The following MACROD2 variants were observed in gnomAD, a reference collection of about 807,000 sequenced individuals.
The protein encoded by MACROD2 is ADP-ribose glycohydrolase MACROD2.
A neutral mutation model predicts 70.4 loss-of-function variants in MACROD2; 36 were observed. That is an observed-to-expected ratio of 0.51 (90% CI 0.39 to 0.68). The LOEUF (loss-of-function observed/expected upper bound fraction) is 0.68. MACROD2 is among the 30% of genes least tolerant of loss of function. The pLI, the probability that MACROD2 is intolerant of heterozygous loss-of-function variation, is 0.00. For missense variants in MACROD2, 496 were observed against 538.4 expected, an observed-to-expected ratio of 0.92 and a Z score of 0.78; for synonymous variants, 172 against 178.8, an observed-to-expected ratio of 0.96 and a Z score of 0.30.
At chr20:14,664,622 A>G (rs1345308483) in intron 4 of MACROD2, among the ~76,000 whole-genome samples, 1 of 152,030 alleles carries the variant, frequency 6.6e-6, no homozygotes, top group Non-Finnish European at 1.5e-5. Flanking sequence ...GCAGCTCTCA[A>G]CCTCTTTTAT....
chr20:15,505,843 G>A (rs1030438203), intron 8 of MACROD2, among the ~76,000 whole-genome samples: 7 of 152,088 alleles, frequency 4.6e-5, no homozygotes, highest in African/African-American at 9.7e-5. Flanking sequence ...CTCTCCTCGC[G>A]TACAAGGTTT....
At chr20:14,148,438 A>T (rs1365067938) in intron 3 of MACROD2, among the ~76,000 whole-genome samples, 1 of 152,122 alleles carries the variant, frequency 6.6e-6, no homozygotes, top group Non-Finnish European at 1.5e-5. Context: ...TAATTTAATG[A>T]TTTTGTAGGA....
chr20:15,962,575 C>T (rs1275836561), intron 12 of MACROD2, among the ~76,000 whole-genome samples: 1 of 152,142 alleles, frequency 6.6e-6, no homozygotes, highest in East Asian at 1.9e-4. Context: ...ATTAATTGTG[C>T]ATTATGGTAG....
intron 3 of MACROD2, among the ~76,000 whole-genome samples, chr20:14,124,551 G>A (rs1043709735): frequency 3.9e-5 from 6 of 152,146 alleles, no homozygotes; most frequent in Admixed American, 2.6e-4. Flanking sequence ...GAACTGAAAT[G>A]TCAGATGCGT....
chr20:14,197,641 C>T (rs533520605), intron 3 of MACROD2, among the ~76,000 whole-genome samples: 6 of 152,096 alleles, frequency 3.9e-5, no homozygotes, highest in Non-Finnish European at 7.4e-5. Flanking sequence ...GTGGTGGGCG[C>T]CTGTAATCCC....
chr20:14,690,158 C>T (rs543919762), intron 5 of MACROD2, among the ~76,000 whole-genome samples: 1 of 151,952 alleles, frequency 6.6e-6, no homozygotes, highest in Non-Finnish European at 1.5e-5. Flanking sequence ...TATTTTATTT[C>T]TTTAGAATGC....
At chr20:14,260,608 G>A (rs2082093745) in intron 3 of MACROD2, among the ~76,000 whole-genome samples, 1 of 152,048 alleles carries the variant, frequency 6.6e-6, no homozygotes, top group South Asian at 2.1e-4. Context: ...CAGCCCCTAA[G>A]CTCCTTTTAA....
chr20:15,605,453 C>CGCGT (rs1555847143), intron 8 of MACROD2, among the ~76,000 whole-genome samples: 9 of 141,786 alleles, frequency 6.3e-5, no homozygotes, highest in Non-Finnish European at 1.4e-4. Context: ...AGGATGTAAG[C>CGCGT]GTGTGTGTGT....
At chr20:15,234,101 G>A (rs1452024666) in intron 6 of MACROD2, among the ~76,000 whole-genome samples, 1 of 120,526 alleles carries the variant, frequency 8.3e-6, no homozygotes, top group Admixed American at 9.2e-5. Context: ...GCGCAATCTC[G>A]GCTCACTGCA....
chr20:14,606,414 A>G (rs1229716270), intron 4 of MACROD2, among the ~76,000 whole-genome samples: 1 of 152,150 alleles, frequency 6.6e-6, no homozygotes, highest in East Asian at 1.9e-4. Flanking sequence ...AATTCCAGGT[A>G]CTTTGTGAGC....
At chr20:15,055,580 G>A (rs1223812227) in intron 5 of MACROD2, among the ~76,000 whole-genome samples, 1 of 152,178 alleles carries the variant, frequency 6.6e-6, no homozygotes, top group Non-Finnish European at 1.5e-5. Flanking sequence ...TGACAGGAAG[G>A]TAAATTGGGA....
At chr20:14,702,139 G>A (rs976077260) in intron 5 of MACROD2, among the ~76,000 whole-genome samples, 12 of 151,616 alleles carry the variant, frequency 7.9e-5, no homozygotes, top group African/African-American at 2.9e-4. Flanking sequence ...AACTGATGAT[G>A]CTATTTAGAA....
At chr20:14,644,152 C>T (rs1600492754) in intron 4 of MACROD2, among the ~76,000 whole-genome samples, 1 of 152,034 alleles carries the variant, frequency 6.6e-6, no homozygotes, top group Non-Finnish European at 1.5e-5. Context: ...GTCTAAGAAA[C>T]AGCAGTGAAC....
chr20:15,004,992 G>C (rs2075024583), intron 5 of MACROD2, among the ~76,000 whole-genome samples: 1 of 152,118 alleles, frequency 6.6e-6, no homozygotes, highest in Non-Finnish European at 1.5e-5. Flanking sequence ...ATTGCTCTCT[G>C]AAAGTTATTT....
intron 3 of MACROD2, among the ~76,000 whole-genome samples, chr20:14,091,400 G>A (rs541911612): frequency 6.6e-6 from 1 of 152,162 alleles, no homozygotes; most frequent in African/African-American, 2.4e-5. Flanking sequence ...GGAGGAATAG[G>A]TTTTGAGATT....
intron 8 of MACROD2, among the ~76,000 whole-genome samples, chr20:15,577,526 T>G (rs1410244789): frequency 1.3e-5 from 2 of 152,204 alleles, no homozygotes; most frequent in Non-Finnish European, 2.9e-5. Flanking sequence ...TAACTCTTTT[T>G]GGCCATATTT....
intron 8 of MACROD2, among the ~76,000 whole-genome samples, chr20:15,762,566 G>A (rs2051453344): frequency 6.6e-6 from 1 of 152,152 alleles, no homozygotes; most frequent in Non-Finnish European, 1.5e-5. Flanking sequence ...CATGTGACTT[G>A]CTTTGACCAA....
At chr20:15,422,934 G>T (rs17616032) in intron 6 of MACROD2, among the ~76,000 whole-genome samples, 29,495 of 152,014 alleles carry the variant, frequency 0.19, 3,137 homozygotes, top group African/African-American at 0.25. Flanking sequence ...TCCTGCATTG[G>T]TATTTTCCTA....
intron 3 of MACROD2, among the ~76,000 whole-genome samples, chr20:14,343,720 C>G (rs1201078051): frequency 2.6e-5 from 4 of 152,160 alleles, no homozygotes; most frequent in Admixed American, 2.6e-4. Context: ...AGGACAAATT[C>G]CTTATCTTTG....
Sources: allele counts gnomAD v4.1 joint callset (sites outside exome capture counted in the v4.1 genomes callset), GRCh38; gene constraint gnomAD v4.1.1; transcripts MANE v1.5; gene names NCBI Gene and HGNC (gene_info 2026-07-23, HGNC 2026-07-21).